Variants in KLHDC2 observed in about 807,000 individuals in gnomAD.
KLHDC2 encodes kelch domain containing 2, also known as kelch domain-containing protein 2.
KLHDC2 carries 38 observed loss-of-function variants against 62.3 expected under a neutral mutation model. The ratio of observed to expected loss-of-function variants is 0.61; its 90% CI spans 0.47 to 0.80. KLHDC2 has a LOEUF of 0.80. KLHDC2 is among the 30% of genes least tolerant of loss of function. KLHDC2 has a pLI of 0.00. For synonymous variants in KLHDC2, 159 were observed against 161.0 expected, an observed-to-expected ratio of 0.99 and a Z score of 0.09; for missense variants, 430 against 495.3, an observed-to-expected ratio of 0.87 and a Z score of 1.25.
At chr14:49,781,628 C>T (rs1023534244) in intron 10 of KLHDC2, among the ~76,000 whole-genome samples, 1 of 150,990 alleles carries the variant, frequency 6.6e-6, no homozygotes, top group African/African-American at 2.4e-5. Flanking sequence ...ATTCAGGAGG[C>T]AGAGGATGTA....
intron 1 of KLHDC2, among the ~76,000 whole-genome samples, chr14:49,771,235 G>C (rs1889657554): frequency 6.6e-6 from 1 of 152,074 alleles, no homozygotes; most frequent in Non-Finnish European, 1.5e-5. Flanking sequence ...TGCAGTCCCA[G>C]CTACTTAGGA....
In KLHDC2 at chr14:49,771,652, A is replaced by G; in HGVS notation, c.212A>G (p.Tyr71Cys). ...CTGCCTAGAGAAGAACTATGGATCTACAACATGGAGACTGGAAGATGGTAA... is the reference window on the plus strand; with the variant it reads ...CTGCCTAGAGAAGAACTATGGATCTGCAACATGGAGACTGGAAGATGGTAA... The part of the protein sequence containing the change: ...FYLPREELWI[Y>C]NMETGRWKKI... Residue 71 changes from tyrosine to cysteine, a missense_variant, in exon 2 of 13, where the codon TAC becomes TGC. Tyr to Cys is a radical substitution (Grantham distance 194, BLOSUM62 -2). Coordinates refer to ENST00000298307, the MANE Select transcript of KLHDC2 (RefSeq NM_014315.3). 2.6e-6 allele frequency: 4 copies of G among 1,520,928 alleles called. No homozygotes were observed. The highest frequency in any genetic ancestry group is 3.7e-6 in the Non-Finnish European group (4 of 1,095,104). 94.2% of individuals were successfully genotyped at this position (1,520,928 alleles called of 1,614,324 possible). A position where few individuals can be genotyped will look rare whatever the true frequency, so the allele number is the denominator to read the frequency against.
intron 2 of KLHDC2, among the ~76,000 whole-genome samples, chr14:49,773,179 C>T (rs973795250): frequency 8.7e-5 from 13 of 149,732 alleles, no homozygotes; most frequent in East Asian, 4.0e-4. Context: ...TTTGGGAAGC[C>T]GAGGCAGGTG....
chr14:49,772,373 C>A (rs1889681760), intron 2 of KLHDC2, among the ~76,000 whole-genome samples: 1 of 152,120 alleles, frequency 6.6e-6, no homozygotes, highest in African/African-American at 2.4e-5. Flanking sequence ...AATAAGCTCT[C>A]AAAATTTGCA....
At chr14:49,781,362 T>C (rs1889897542) in intron 10 of KLHDC2, among the ~76,000 whole-genome samples, 1 of 58,094 alleles carries the variant, frequency 1.7e-5, no homozygotes, top group Non-Finnish European at 3.6e-5. Flanking sequence ...AGAGTGAAAC[T>C]CTGTCTCAAA....
Position 49,782,848 on chromosome 14 carries a change from C to A in KLHDC2, c.1116C>A (p.Val372=). The A allele has an allele frequency of 6.2e-7, 1 of 1,613,708 alleles. No homozygotes were observed. The highest frequency in any genetic ancestry group is 1.1e-5 in the South Asian group (1 of 91,026). ...KSLVRLSLEA[V]ICFKEMLANS... is the part of the protein sequence containing the mutation. ...CTTTCAGGCTAAGCTTAGAAGCAGT[C>A]ATTTGCTTTAAAGAAATGTTAGCCA... Residue 372 remains valine (V), a synonymous_variant, in exon 13 of 13, where the codon GTC becomes GTA. Coordinates refer to ENST00000298307, the MANE Select transcript of KLHDC2 (RefSeq NM_014315.3).
Position 49,782,610 on chromosome 14 carries a change from C to T in KLHDC2, c.1097+16C>T, listed in dbSNP as rs916389956. On this transcript the variant is annotated intron_variant, in intron 12 of 12. Coordinates refer to ENST00000298307, the MANE Select transcript of KLHDC2 (RefSeq NM_014315.3). ...CTCTTGTACGGTAAGTAACTTTGTACTTGGCACTTAGATTATTTAAAATTG... is the reference window on the plus strand; with the variant it reads ...CTCTTGTACGGTAAGTAACTTTGTATTTGGCACTTAGATTATTTAAAATTG... The T allele has an allele frequency of 2.9e-5, 46 of 1,578,422 alleles. No individual in the cohort carries two copies. Among genetic ancestry groups the T allele is most frequent in the South Asian group, 5.7e-5 (5 of 88,098 alleles).
chr14:49,780,008 A>G, intron 8 of KLHDC2: 1 of 615,346 alleles, frequency 1.6e-6, no homozygotes, highest in Non-Finnish European at 2.9e-6. Flanking sequence ...GCATGTGCTC[A>G]GTGTTTGTTG....
At chr14:49,779,553 G>A (rs1275089220) in intron 6 of KLHDC2, 42 bp from the exon 7 acceptor site, 2 of 1,480,156 alleles carry the variant, frequency 1.4e-6, no homozygotes, top group Non-Finnish European at 9.4e-7. Flanking sequence ...TATTTTCCCT[G>A]TTTATAAAAA....
chr14:49,770,562 C>T (rs1233482929), intron 1 of KLHDC2, among the ~76,000 whole-genome samples: 1 of 152,188 alleles, frequency 6.6e-6, no homozygotes, highest in African/African-American at 2.4e-5. Context: ...TAGGGAGGGT[C>T]AAAGGCTGGG....
In KLHDC2 at chr14:49,785,058, T is replaced by C. The variant is rs759008949; in HGVS notation, c.*2105T>C. Reference sequence around the variant, plus strand: ...TCTACTGTTAAGTCACTGAACTGTTTAAAATCATAATTCAAAAAAACAAAT... The same window carrying C: ...TCTACTGTTAAGTCACTGAACTGTTCAAAATCATAATTCAAAAAAACAAAT... On this transcript the variant is annotated 3_prime_UTR_variant, in exon 13 of 13. Coordinates refer to ENST00000298307, the MANE Select transcript of KLHDC2 (RefSeq NM_014315.3). 2 of 1,606,592 alleles carry C rather than the reference T, an allele frequency of 1.2e-6. No individual in the cohort carries two copies. The highest frequency in any genetic ancestry group is 1.7e-6 in the Non-Finnish European group (2 of 1,173,486).
chr14:49,778,358 T>C (rs1050496384), intron 5 of KLHDC2, 53 bp from the exon 6 acceptor site: 1 of 1,343,872 alleles, frequency 7.4e-7, no homozygotes, highest in African/African-American at 1.5e-5. Context: ...AGGCAGGCTG[T>C]CTAATTTTAT....
Position 49,785,313 on chromosome 14 carries a change from AGG to A in KLHDC2, c.*2361_*2362del. 1.2e-6 allele frequency: 2 copies of A among 1,613,216 alleles called. No individual in the cohort carries two copies. Among genetic ancestry groups the A allele is most frequent in the Non-Finnish European group, 1.7e-6 (2 of 1,179,232 alleles). Reference sequence around the variant, plus strand: ...TGGCTGGCCTGTCAAAGAATCAAATAGGTTTTCCTAAAAAGGGAAAATAACAG... The same window carrying A: ...TGGCTGGCCTGTCAAAGAATCAAATATTTTCCTAAAAAGGGAAAATAACAG... On this transcript the variant is annotated 3_prime_UTR_variant, in exon 13 of 13. Coordinates refer to ENST00000298307, the MANE Select transcript of KLHDC2 (RefSeq NM_014315.3).
intron 1 of KLHDC2, among the ~76,000 whole-genome samples, chr14:49,770,679 A>C (rs1279428364): frequency 6.6e-6 from 1 of 152,216 alleles, no homozygotes; most frequent in African/African-American, 2.4e-5. Flanking sequence ...TTGTTTTCTC[A>C]TAACATCAGC....
chr14:49,773,569 ACTTT>A (rs1889709021), intron 2 of KLHDC2, among the ~76,000 whole-genome samples: 1 of 122,804 alleles, frequency 8.1e-6, no homozygotes, highest in Non-Finnish European at 1.7e-5. Context: ...AAAAATAATA[ACTTT>A]TTTTTTTTTT....
chr14:49,773,413 C>CAA (rs34740472), intron 2 of KLHDC2, among the ~76,000 whole-genome samples: 62,964 of 70,096 alleles, frequency 0.9, 28,754 homozygotes, highest in East Asian at 0.99. Context: ...GACTCCATCT[C>CAA]AAAAAAAAAA....
intron 3 of KLHDC2, 64 bp from the exon 4 acceptor site, chr14:49,777,775 T>C: frequency 1.1e-6 from 1 of 877,432 alleles, no homozygotes; most frequent in Non-Finnish European, 1.8e-6. Flanking sequence ...CATAGTAAAA[T>C]TAAATGCTAA....
Position 49,783,484 on chromosome 14 carries a change from C to CAAGT in KLHDC2, c.*532_*535dup, listed in dbSNP as rs1890012622. 1.3e-5 allele frequency: 2 copies of CAAGT among 151,568 alleles called. No individual in the cohort carries two copies. Among genetic ancestry groups the CAAGT allele is most frequent in the Admixed American group, 6.6e-5 (1 of 15,220 alleles). 9.4% of individuals were successfully genotyped at this position (151,568 alleles called of 1,614,324 possible). A position where few individuals can be genotyped will look rare whatever the true frequency, so the allele number is the denominator to read the frequency against. ...TAATGCTTCAGTGTAGGGGCTGGAG[C>CAAGT]AAGTGGTCATGCTGAATACAGGCAG... On this transcript the variant is annotated 3_prime_UTR_variant, in exon 13 of 13. Coordinates refer to ENST00000298307, the MANE Select transcript of KLHDC2 (RefSeq NM_014315.3).
At chr14:49,769,993 A>T (rs1204666554) in intron 1 of KLHDC2, among the ~76,000 whole-genome samples, 1 of 151,756 alleles carries the variant, frequency 6.6e-6, no homozygotes, top group African/African-American at 2.4e-5. Flanking sequence ...CGGGGGGGCA[A>T]GCATGTAGTC....
Sources: gnomAD v4.1 joint callset for allele counts (sites outside exome capture counted in the v4.1 genomes callset) on GRCh38, gnomAD v4.1.1 for gene constraint, MANE v1.5 for transcripts, NCBI Gene and HGNC (gene_info 2026-07-23, HGNC 2026-07-21) for gene names.